The following ADAMTS17 variants were observed in gnomAD, a reference collection of about 807,000 sequenced individuals.
The protein encoded by ADAMTS17 is ADAM metallopeptidase with thrombospondin type 1 motif 17.
Under a neutral mutation model 141.5 loss-of-function variants are expected in ADAMTS17, and 113 were observed. The observed-to-expected ratio is 0.80, with a 90% CI of 0.69 to 0.93. The LOEUF is 0.93. ADAMTS17 is among the 40% of genes least tolerant of loss of function. The pLI, the probability that ADAMTS17 is intolerant of heterozygous loss-of-function variation, is 0.00. For synonymous variants in ADAMTS17, 768 were observed against 630.6 expected (o/e 1.22, Z -3.27); for missense variants, 1,659 against 1,517.9 (o/e 1.09, Z -1.54).
intron 13 of ADAMTS17, among the ~76,000 whole-genome samples, chr15:100,109,421 C>A (rs2036608209): frequency 6.7e-6 from 1 of 149,502 alleles, no homozygotes; most frequent in Non-Finnish European, 1.5e-5. Flanking sequence ...GAGTTGTGTG[C>A]TAATCTCTAC....
chr15:100,027,285 C>A (rs998210651), intron 18 of ADAMTS17, among the ~76,000 whole-genome samples: 1 of 151,906 alleles, frequency 6.6e-6, no homozygotes, highest in Non-Finnish European at 1.5e-5. Context: ...ACTCTTTTTT[C>A]TATTGCTTTT....
intron 20 of ADAMTS17, chr15:99,976,544 G>A (rs377142015): frequency 3.9e-6 from 2 of 517,802 alleles, no homozygotes. Context: ...AGATGTTATG[G>A]AATACATGTT....
chr15:100,274,560 A>C (rs1458244262), intron 4 of ADAMTS17, among the ~76,000 whole-genome samples: 2 of 152,190 alleles, frequency 1.3e-5, no homozygotes, highest in African/African-American at 2.4e-5. Context: ...TGTCTGATCT[A>C]CAGTAAGTCT....
chr15:100,061,421 C>T (rs57212073), intron 15 of ADAMTS17, among the ~76,000 whole-genome samples: 37 of 152,126 alleles, frequency 2.4e-4, no homozygotes, highest in African/African-American at 8.2e-4. Flanking sequence ...GCCACTATCG[C>T]GGATGCTATT....
At chr15:100,156,508 C>G (rs1049682630) in intron 8 of ADAMTS17, among the ~76,000 whole-genome samples, 1 of 152,206 alleles carries the variant, frequency 6.6e-6, no homozygotes, top group Non-Finnish European at 1.5e-5. Flanking sequence ...TCTGATCACC[C>G]ACATGTGACT....
chr15:100,004,567 T>C (rs937988145), intron 18 of ADAMTS17, among the ~76,000 whole-genome samples: 6 of 152,160 alleles, frequency 3.9e-5, no homozygotes, highest in African/African-American at 1.4e-4. Context: ...GCAATATTTA[T>C]TAGCCAAGTT....
rs78510225 is a variant in ADAMTS17, at chr15:100,154,981, G to A, written c.1322+199C>T. On this transcript the variant is annotated intron_variant, in intron 9 of 21. Transcript: ENST00000268070. ...ATTACGTAATGATCACCCACTGTGC[G>A]CCCATCGCTGGAGCAGATGCGCATG... Among the ~76,000 whole-genome samples, 25,313 of 152,190 alleles carry A rather than the reference G, an allele frequency of 0.17. 2,167 individuals are homozygous for A. The highest frequency in any genetic ancestry group is 0.21 in the Middle Eastern group (62 of 294).
At chr15:100,193,965 T>C (rs1008557458) in intron 8 of ADAMTS17, among the ~76,000 whole-genome samples, 2 of 152,202 alleles carry the variant, frequency 1.3e-5, no homozygotes. Context: ...TTGGGCCGGC[T>C]CCCAGGGCCA....
chr15:100,289,548 TCACACACA>T (rs35262820), intron 3 of ADAMTS17, among the ~76,000 whole-genome samples: 33 of 146,564 alleles, frequency 2.3e-4, no homozygotes, highest in African/African-American at 1.2e-4. Flanking sequence ...ATACACACAC[TCACACACA>T]CACACACACA....
At chr15:100,315,628 G>T (rs2141879795) in intron 3 of ADAMTS17, among the ~76,000 whole-genome samples, 1 of 152,256 alleles carries the variant, frequency 6.6e-6, no homozygotes, top group Non-Finnish European at 1.5e-5. Context: ...TCCAGTCCAG[G>T]AGTTTGCCAC....
At chr15:100,171,160 G>C (rs2040145354) in intron 8 of ADAMTS17, among the ~76,000 whole-genome samples, 1 of 152,146 alleles carries the variant, frequency 6.6e-6, no homozygotes, top group Non-Finnish European at 1.5e-5. Context: ...GGCTGCAGTT[G>C]AGAGAGCCTG....
intron 13 of ADAMTS17, among the ~76,000 whole-genome samples, chr15:100,112,292 A>C (rs1330558318): frequency 6.6e-6 from 1 of 152,210 alleles, no homozygotes; most frequent in East Asian, 1.9e-4. Context: ...ACTGCCCTCC[A>C]CAGCTTGGAC....
chr15:100,116,817 G>A, intron 13 of ADAMTS17, 30 bp downstream of exon 13: 2 of 1,613,876 alleles, frequency 1.2e-6, no homozygotes, highest in South Asian at 1.1e-5. Flanking sequence ...ACAGGAGGCT[G>A]CCATGCAAGG....
intron 15 of ADAMTS17, among the ~76,000 whole-genome samples, chr15:100,057,086 T>A (rs8038037): frequency 1.3e-5 from 2 of 151,746 alleles, no homozygotes; most frequent in African/African-American, 2.4e-5. Context: ...CGGTCATTCC[T>A]GATCCTCAGA....
chr15:100,094,194 A>C (rs1447113760), intron 15 of ADAMTS17, among the ~76,000 whole-genome samples: 2 of 152,234 alleles, frequency 1.3e-5, no homozygotes, highest in Non-Finnish European at 2.9e-5. Flanking sequence ...TTTTTGCCTG[A>C]AGGTTTGCTG....
chr15:99,988,952 T>G (rs2060642230), intron 20 of ADAMTS17, among the ~76,000 whole-genome samples: 1 of 152,152 alleles, frequency 6.6e-6, no homozygotes, highest in South Asian at 2.1e-4. Flanking sequence ...ACCAGGAAGG[T>G]CAAGGTATGT....
intron 7 of ADAMTS17, among the ~76,000 whole-genome samples, chr15:100,217,854 A>G (rs1436390045): frequency 6.6e-6 from 1 of 152,208 alleles, no homozygotes; most frequent in Non-Finnish European, 1.5e-5. Context: ...ATATATTTCA[A>G]AACAGCTAAA....
At chr15:99,979,418 A>G (rs533509124) in intron 20 of ADAMTS17, 1 of 152,008 alleles carries the variant, frequency 6.6e-6, no homozygotes, top group South Asian at 2.1e-4. Context: ...TACAAAAGCA[A>G]TCTGGTAAGT....
chr15:100,330,503 G>A (rs991949888), intron 3 of ADAMTS17, among the ~76,000 whole-genome samples: 1 of 152,192 alleles, frequency 6.6e-6, no homozygotes, highest in Non-Finnish European at 1.5e-5. Flanking sequence ...GGCGCCCCAG[G>A]TGGCTTTAGT....
Sources: gnomAD v4.1 joint callset for allele counts (sites outside exome capture counted in the v4.1 genomes callset) on GRCh38, gnomAD v4.1.1 for gene constraint, MANE v1.5 for transcripts, NCBI Gene and HGNC (gene_info 2026-07-23, HGNC 2026-07-21) for gene names.